Variants in OR3A2 observed in about 807,000 individuals in gnomAD.
OR3A2 encodes the protein olfactory receptor family 3 subfamily A member 2, also known as olfactory receptor 3A2.
For synonymous variants in OR3A2, 126 were observed against 159.3 expected (o/e 0.79, Z 1.57); for missense variants, 318 against 392.8 (o/e 0.81, Z 1.61).
intron 3 of OR3A2, among the ~76,000 whole-genome samples, chr17:3,329,336 G>C (rs2049208482): frequency 6.7e-6 from 1 of 149,480 alleles, no homozygotes; most frequent in Admixed American, 6.8e-5. Flanking sequence ...GAATCCATCT[G>C]GTCCTGGACT....
intron 2 of OR3A2, among the ~76,000 whole-genome samples, chr17:3,369,336 C>T (rs888504284): frequency 3.3e-5 from 5 of 152,290 alleles, no homozygotes; most frequent in African/African-American, 7.2e-5. Flanking sequence ...GGAAGGCTTT[C>T]AACTTTTCCC....
intron 3 of OR3A2, among the ~76,000 whole-genome samples, chr17:3,316,811 G>A (rs1410327456): frequency 6.6e-6 from 1 of 152,188 alleles, no homozygotes; most frequent in Non-Finnish European, 1.5e-5. Flanking sequence ...GACTGTGGGT[G>A]CAATGAGTTT....
At chr17:3,354,048 AT>A (rs888252058) in intron 2 of OR3A2, among the ~76,000 whole-genome samples, 10 of 151,760 alleles carry the variant, frequency 6.6e-5, no homozygotes, top group Non-Finnish European at 1.0e-4. Flanking sequence ...ATGATGAGTA[AT>A]TTTTTTAAAT....
chr17:3,318,485 C>T (rs2049094241), intron 3 of OR3A2, among the ~76,000 whole-genome samples: 4 of 152,316 alleles, frequency 2.6e-5, no homozygotes, highest in Non-Finnish European at 5.9e-5. Context: ...CTAGCCTCCC[C>T]TTTATTTGCT....
intron 2 of OR3A2, among the ~76,000 whole-genome samples, chr17:3,365,916 C>T (rs986245652): frequency 6.6e-6 from 1 of 152,140 alleles, no homozygotes; most frequent in Non-Finnish European, 1.5e-5. Context: ...GACTGAAGAG[C>T]CAGCTTTGAA....
At chr17:3,372,447 C>G (rs372274475) in intron 2 of OR3A2, among the ~76,000 whole-genome samples, 13 of 151,796 alleles carry the variant, frequency 8.6e-5, no homozygotes, top group African/African-American at 2.9e-4. Flanking sequence ...GCTGCAATCT[C>G]GGCACTTTGG....
At chr17:3,380,376 G>T (rs2049723836) in intron 2 of OR3A2, among the ~76,000 whole-genome samples, 1 of 152,180 alleles carries the variant, frequency 6.6e-6, no homozygotes, top group South Asian at 2.1e-4. Context: ...CTGATCCCCT[G>T]ATTACTGAGC....
chr17:3,363,748 TTTGG>T (rs1281820643), intron 2 of OR3A2, among the ~76,000 whole-genome samples: 1 of 152,116 alleles, frequency 6.6e-6, no homozygotes, highest in Non-Finnish European at 1.5e-5. Context: ...TATGAAGAGG[TTTGG>T]TTGACTCATA....
chr17:3,279,759 G>C (rs1849596515), intron 1 of OR3A2, among the ~76,000 whole-genome samples: 1 of 152,126 alleles, frequency 6.6e-6, no homozygotes, highest in Admixed American at 6.5e-5. Context: ...TTGTACTCCA[G>C]CCTGGGTGAC....
chr17:3,292,110 T>C lies in OR3A2; in HGVS notation c.-84-12957A>G, dbSNP rs376147397. 3.4e-5 allele frequency: 55 copies of C among 1,613,834 alleles called. No homozygotes were observed. Among genetic ancestry groups the C allele is most frequent in the Non-Finnish European group, 4.5e-5 (53 of 1,180,000 alleles). On this transcript the variant is annotated intron_variant, in intron 3 of 4. Coordinates refer to the OR3A2 transcript ENST00000573491. ...CATGGCCACAGTGTGGGTCAGTGCGTTGGTGAAAGCACAAGCCCAGGACGC... is the reference window on the plus strand; with the variant it reads ...CATGGCCACAGTGTGGGTCAGTGCGCTGGTGAAAGCACAAGCCCAGGACGC...
intron 2 of OR3A2, among the ~76,000 whole-genome samples, chr17:3,341,369 T>C (rs1201217766): frequency 1.3e-5 from 2 of 152,244 alleles, no homozygotes; most frequent in African/African-American, 2.4e-5. Context: ...TGATGGTCTT[T>C]ACAATTTGGC....
At chr17:3,317,936 G>A (rs149289769) in intron 3 of OR3A2, among the ~76,000 whole-genome samples, 32 of 152,056 alleles carry the variant, frequency 2.1e-4, no homozygotes, top group Non-Finnish European at 3.4e-4. Flanking sequence ...GTGTCCCCCC[G>A]CTCTCTCCAC....
At chr17:3,325,062 AT>A (rs895621940) in intron 3 of OR3A2, among the ~76,000 whole-genome samples, 19 of 151,058 alleles carry the variant, frequency 1.3e-4, no homozygotes, top group Admixed American at 2.0e-4. Context: ...ATTGTCATCT[AT>A]TTTTTTTACT....
chr17:3,310,378 C>T (rs1213525160), intron 3 of OR3A2: 1 of 534,990 alleles, frequency 1.9e-6, no homozygotes, highest in South Asian at 1.4e-5. Flanking sequence ...CTCACAGAGA[C>T]TGCAGCTCTA....
intron 2 of OR3A2, among the ~76,000 whole-genome samples, chr17:3,366,412 C>A (rs1419429538): frequency 3.9e-5 from 6 of 152,136 alleles, no homozygotes; most frequent in Non-Finnish European, 8.8e-5. Context: ...AAAAAGAAAT[C>A]TCTCAAAGGC....
intron 2 of OR3A2, among the ~76,000 whole-genome samples, chr17:3,381,983 CACTTT>C (rs1430936234): frequency 6.6e-6 from 1 of 152,184 alleles, no homozygotes; most frequent in Non-Finnish European, 1.5e-5. Context: ...AAGAAATCCT[CACTTT>C]ATACCAGCAA....
chr17:3,277,891 G>T, exon 2 of OR3A2: 1 of 1,457,646 alleles, frequency 6.9e-7, no homozygotes, highest in Non-Finnish European at 9.2e-7. Context: ...AGTTGTGGCT[G>T]AATTTTTCCT....
At chr17:3,355,659 T>C (rs1409511875) in intron 2 of OR3A2, among the ~76,000 whole-genome samples, 1 of 151,416 alleles carries the variant, frequency 6.6e-6, no homozygotes, top group East Asian at 1.9e-4. Context: ...TTGGTTTTCA[T>C]TGGCATGGAA....
chr17:3,301,545 CT>C (rs2048965926), intron 3 of OR3A2, among the ~76,000 whole-genome samples: 3 of 151,478 alleles, frequency 2.0e-5, no homozygotes, highest in African/African-American at 7.3e-5. Context: ...GGTTGTTTGA[CT>C]TTTTCTTGTA....
Sources: gnomAD v4.1 joint callset for allele counts (sites outside exome capture counted in the v4.1 genomes callset) on GRCh38, gnomAD v4.1.1 for gene constraint, MANE v1.5 for transcripts, NCBI Gene and HGNC (gene_info 2026-07-23, HGNC 2026-07-21) for gene names.